NCALD: variants seen among roughly 807,000 people sequenced by gnomAD.
NCALD encodes neurocalcin delta.
NCALD carries 10 observed loss-of-function variants against 18.6 expected under a neutral mutation model. The ratio of observed to expected loss-of-function variants is 0.54; its 90% confidence interval spans 0.33 to 0.91. The LOEUF is 0.91. NCALD is among the 40% of genes least tolerant of loss of function. NCALD has a pLI of 0.03. For missense variants in NCALD, 184 were observed against 247.6 expected (o/e 0.74, Z 1.72); for synonymous variants, 88 against 87.4 (o/e 1.01, Z -0.04).
At chr8:101,703,982 G>A (rs961043861) in intron 2 of NCALD, among the ~76,000 whole-genome samples, 3 of 152,174 alleles carry the variant, frequency 2.0e-5, no homozygotes, top group Non-Finnish European at 4.4e-5. Context: ...GTCAAGAACC[G>A]TGCCTGTTTC....
rs1290186360 is a variant in NCALD at position 101,790,937 on chromosome 8, G to C, written c.-95C>G. The C allele has an allele frequency of 6.6e-6, 1 of 152,350 alleles. No homozygotes were observed. The highest frequency in any genetic ancestry group is 1.9e-4 in the East Asian group (1 of 5,208). The allele number at this position is 152,350 out of a possible 1,614,324, so 9.4% of individuals were successfully genotyped here. A position where few individuals can be genotyped will look rare whatever the true frequency, so the allele number is the denominator to read the frequency against. The stretch of plus-strand genomic sequence containing the variant: ...GAAACAGCAGTAGCAGCAGCAGCAA[G>C]GTCCAGCATCCACCAGATTCTCACA... On this transcript the variant is annotated 5_prime_UTR_variant, in exon 1 of 4. Transcript: ENST00000220931.
chr8:101,707,880 T>TAATAAATA (rs562856899), intron 2 of NCALD, among the ~76,000 whole-genome samples: 110 of 151,360 alleles, frequency 7.3e-4, no homozygotes, highest in African/African-American at 2.6e-3. Flanking sequence ...AAAATGGTAA[T>TAATAAATA]AATAAATAAA....
chr8:101,943,736 C>G (rs1404251774), intron 2 of NCALD, among the ~76,000 whole-genome samples: 1 of 151,890 alleles, frequency 6.6e-6, no homozygotes, highest in South Asian at 2.1e-4. Context: ...GTCAGGAGAT[C>G]GAGACCATCC....
chr8:101,947,183 T>G (rs1010548959), intron 2 of NCALD, among the ~76,000 whole-genome samples: 3 of 152,174 alleles, frequency 2.0e-5, no homozygotes, highest in African/African-American at 7.2e-5. Context: ...AAAACAAAAG[T>G]AGACCAGTCA....
At chr8:101,961,398 A>G (rs1819829616) in intron 2 of NCALD, among the ~76,000 whole-genome samples, 1 of 152,166 alleles carries the variant, frequency 6.6e-6, no homozygotes, top group African/African-American at 2.4e-5. Flanking sequence ...TGCAATGTAA[A>G]TTTGAGTATT....
chr8:101,827,328 C>T (rs1320980918), intron 4 of NCALD, among the ~76,000 whole-genome samples: 1 of 152,170 alleles, frequency 6.6e-6, no homozygotes, highest in Non-Finnish European at 1.5e-5. Flanking sequence ...TCTCAAGATC[C>T]TTAATTTAAT....
At chr8:101,705,977 A>G (rs1055972668) in intron 2 of NCALD, among the ~76,000 whole-genome samples, 6 of 152,240 alleles carry the variant, frequency 3.9e-5, no homozygotes, top group Non-Finnish European at 7.3e-5. Context: ...GAAAAGTTAT[A>G]ATAATATAGA....
chr8:102,079,112 AC>A (rs1824442818), intron 1 of NCALD, among the ~76,000 whole-genome samples: 1 of 152,158 alleles, frequency 6.6e-6, no homozygotes, highest in African/African-American at 2.4e-5. Context: ...CTGCTGCAGT[AC>A]CCATGAAGGC....
chr8:102,063,971 C>T (rs1823924605), intron 1 of NCALD, among the ~76,000 whole-genome samples: 1 of 152,196 alleles, frequency 6.6e-6, no homozygotes, highest in African/African-American at 2.4e-5. Context: ...ATATACAATT[C>T]ATGCTTTTCC....
chr8:101,945,738 C>T (rs1041153148), intron 2 of NCALD, among the ~76,000 whole-genome samples: 12 of 152,164 alleles, frequency 7.9e-5, no homozygotes, highest in East Asian at 1.9e-4. Context: ...TAATGGCCAA[C>T]GTTAGTCCAG....
chr8:101,821,873 G>A (rs1813731915), intron 4 of NCALD, among the ~76,000 whole-genome samples: 1 of 123,570 alleles, frequency 8.1e-6, no homozygotes, highest in Non-Finnish European at 1.6e-5. Flanking sequence ...AACCTCTTGG[G>A]TTCTAAGTAA....
chr8:101,839,293 GA>G (rs964933764), intron 4 of NCALD, among the ~76,000 whole-genome samples: 15 of 148,486 alleles, frequency 1.0e-4, no homozygotes, highest in African/African-American at 2.2e-4. Flanking sequence ...ACAGAAGAGG[GA>G]AAAAAAAAAG....
chr8:101,967,488 C>G (rs550462014), intron 2 of NCALD, among the ~76,000 whole-genome samples: 2 of 152,114 alleles, frequency 1.3e-5, no homozygotes, highest in African/African-American at 4.8e-5. Flanking sequence ...AATATTCAAT[C>G]CAAGTAGTCA....
chr8:101,906,360 C>G (rs1466641064), intron 3 of NCALD, among the ~76,000 whole-genome samples: 1 of 152,168 alleles, frequency 6.6e-6, no homozygotes, highest in East Asian at 1.9e-4. Flanking sequence ...TAACCTAAAT[C>G]AGAAGCCTGC....
intron 2 of NCALD, among the ~76,000 whole-genome samples, chr8:101,973,799 T>A (rs1321093332): frequency 6.6e-6 from 1 of 152,146 alleles, no homozygotes; most frequent in Non-Finnish European, 1.5e-5. Flanking sequence ...TTTTTATATA[T>A]CAAAGAATCA....
intron 1 of NCALD, among the ~76,000 whole-genome samples, chr8:101,724,524 T>C (rs1816492131): frequency 6.6e-6 from 1 of 152,256 alleles, no homozygotes; most frequent in Non-Finnish European, 1.5e-5. Context: ...AAAATGAGTT[T>C]AATGATATGA....
At chr8:102,060,182 T>A (rs562514424) in intron 1 of NCALD, among the ~76,000 whole-genome samples, 1 of 151,784 alleles carries the variant, frequency 6.6e-6, no homozygotes, top group Non-Finnish European at 1.5e-5. Flanking sequence ...AGGGTTTCAC[T>A]GTGTTAGCCA....
intron 2 of NCALD, among the ~76,000 whole-genome samples, chr8:101,996,117 A>G (rs1002326995): frequency 6.6e-6 from 1 of 152,246 alleles, no homozygotes; most frequent in Non-Finnish European, 1.5e-5. Flanking sequence ...CCTGGTACTA[A>G]GCAGGCATTC....
At chr8:102,001,885 C>A (rs969920052) in intron 2 of NCALD, among the ~76,000 whole-genome samples, 2 of 152,128 alleles carry the variant, frequency 1.3e-5, no homozygotes, top group African/African-American at 2.4e-5. Context: ...AGCACTAAAC[C>A]TGGAAAGGAA....
Sources: allele counts gnomAD v4.1 joint callset (sites outside exome capture counted in the v4.1 genomes callset), GRCh38; gene constraint gnomAD v4.1.1; transcripts MANE v1.5; gene names NCBI Gene and HGNC (gene_info 2026-07-23, HGNC 2026-07-21).